The following PSMD14 variants were observed in gnomAD, a reference collection of about 807,000 sequenced individuals.
PSMD14 encodes proteasome 26S subunit, non-ATPase 14.
In PSMD14, 7 loss-of-function variants were observed where a neutral mutation model predicts 41.2. The observed-to-expected ratio is 0.17, with a 90% CI of 0.10 to 0.32. PSMD14 has a LOEUF of 0.32. Ranked by LOEUF, PSMD14 falls within the 10% of genes least tolerant of loss-of-function variation. The pLI, the probability that PSMD14 is intolerant of heterozygous loss-of-function variation, is 1.00. For missense variants in PSMD14, 139 were observed against 375.6 expected, an observed-to-expected ratio of 0.37 and a Z score of 5.21; for synonymous variants, 114 against 122.3, an observed-to-expected ratio of 0.93 and a Z score of 0.45.
intron 3 of PSMD14, among the ~76,000 whole-genome samples, chr2:161,321,109 G>A (rs1682577556): frequency 6.6e-6 from 1 of 152,146 alleles, no homozygotes; most frequent in Non-Finnish European, 1.5e-5. Context: ...GGCACCAATA[G>A]TAGTAAAAAA....
chr2:161,337,746 G>A (rs1447793939), intron 3 of PSMD14, among the ~76,000 whole-genome samples: 1 of 152,216 alleles, frequency 6.6e-6, no homozygotes, highest in African/African-American at 2.4e-5. Context: ...TACATTTGCA[G>A]TAATTGAGAT....
chr2:161,334,802 A>G (rs1682845121), intron 3 of PSMD14, among the ~76,000 whole-genome samples: 1 of 152,238 alleles, frequency 6.6e-6, no homozygotes, highest in Non-Finnish European at 1.5e-5. Flanking sequence ...AGCTCAAGTG[A>G]TTCTCCCTCC....
chr2:161,367,990 C>T (rs1391946013), intron 5 of PSMD14, 87 bp downstream of exon 5: 7 of 1,381,970 alleles, frequency 5.1e-6, no homozygotes, highest in Non-Finnish European at 4.8e-6. Context: ...CATCATATTA[C>T]ATTTTCTCTT....
At chr2:161,309,298 G>T (rs187938934) in intron 1 of PSMD14, among the ~76,000 whole-genome samples, 1 of 152,204 alleles carries the variant, frequency 6.6e-6, no homozygotes, top group East Asian at 1.9e-4. Context: ...AAAAGAAAAA[G>T]AATGTAAACT....
chr2:161,328,542 T>C (rs1029476765), intron 3 of PSMD14, among the ~76,000 whole-genome samples: 1 of 152,120 alleles, frequency 6.6e-6, no homozygotes, highest in Non-Finnish European at 1.5e-5. Context: ...ATCTGCACCA[T>C]TCAATACGGT....
At chr2:161,333,715 A>G (rs1682827605) in intron 3 of PSMD14, among the ~76,000 whole-genome samples, 1 of 152,200 alleles carries the variant, frequency 6.6e-6, no homozygotes, top group African/African-American at 2.4e-5. Context: ...TCCCAATGAG[A>G]GAAAGGTATC....
chr2:161,363,288 T>G (rs114103573), intron 3 of PSMD14, among the ~76,000 whole-genome samples: 1,904 of 152,250 alleles, frequency 0.013, 37 homozygotes, highest in African/African-American at 0.044. Flanking sequence ...ACCAAAGAGG[T>G]TGGGGACTGC....
intron 3 of PSMD14, among the ~76,000 whole-genome samples, chr2:161,327,878 TAA>T (rs141704526): frequency 6.9e-6 from 1 of 145,498 alleles, no homozygotes; most frequent in Non-Finnish European, 1.5e-5. Context: ...TTAGATTAGT[TAA>T]AAAACAAACA....
In PSMD14 at chr2:161,331,479, C is replaced by CGAACTCCT. The variant is rs1212506252; in HGVS notation, c.48+12609_48+12616dup. The stretch of plus-strand genomic sequence containing the variant: ...TTCACCATGCTGACCAGGCTGGTCT[C>CGAACTCCT]GAACTCCTGACCTGGTGATCTGCCT... On this transcript the variant is annotated intron_variant, in intron 3 of 11. Coordinates refer to ENST00000409682, the MANE Select transcript of PSMD14 (RefSeq NM_005805.6). 3.3e-5 allele frequency among the ~76,000 whole-genome samples: 5 copies of CGAACTCCT among 152,134 alleles called. No homozygotes were observed. In the South Asian group the frequency reaches 1.0e-3, roughly 32 times the overall value.
intron 3 of PSMD14, among the ~76,000 whole-genome samples, chr2:161,361,470 A>G (rs1053140761): frequency 6.9e-6 from 1 of 145,750 alleles, no homozygotes; most frequent in African/African-American, 2.5e-5. Flanking sequence ...TTTTTTTTTC[A>G]CATACATATT....
intron 3 of PSMD14, among the ~76,000 whole-genome samples, chr2:161,336,734 C>T (rs1389468887): frequency 1.3e-5 from 2 of 152,054 alleles, no homozygotes; most frequent in Non-Finnish European, 2.9e-5. Context: ...CGCCACCATG[C>T]CTGGCTAATT....
In PSMD14 at chr2:161,408,880, T is replaced by C. The variant is rs1459148799; in HGVS notation, c.815T>C (p.Ile272Thr). ...EDKMTPEQLA[I>T]KNVGKQDPKR... is the part of the protein sequence containing the mutation. Reference sequence around the variant, plus strand: ...AAGATGACACCTGAACAGCTGGCAATAAAGAATGTTGGCAAGCAGGTGAGG... The same window carrying C: ...AAGATGACACCTGAACAGCTGGCAACAAAGAATGTTGGCAAGCAGGTGAGG... The change falls in exon 11 of 12, where the codon ATA becomes ACA. Residue 272 changes from isoleucine (I) to threonine (T), a missense_variant. Ile to Thr is a moderately conservative substitution (Grantham distance 89). This residue lies in a region of PSMD14 where 80 missense variants were observed against 138.1 expected (regional missense o/e 0.58). Transcript: ENST00000409682. 1 of 1,606,368 alleles carries C rather than the reference T, an allele frequency of 6.2e-7. No individual in the cohort carries two copies. The highest frequency in any genetic ancestry group is 8.5e-7 in the Non-Finnish European group (1 of 1,174,346).
At chr2:161,327,763 A>G (rs993898041) in intron 3 of PSMD14, among the ~76,000 whole-genome samples, 5 of 152,200 alleles carry the variant, frequency 3.3e-5, no homozygotes, top group Admixed American at 2.6e-4. Context: ...AGACAAAAAG[A>G]TGACCTCATT....
chr2:161,395,245 A>G, intron 10 of PSMD14, 42 bp downstream of exon 10: 1 of 1,467,376 alleles, frequency 6.8e-7, no homozygotes, highest in Non-Finnish European at 9.3e-7. Flanking sequence ...AATCTTTGGA[A>G]TATGTATGAT....
intron 1 of PSMD14, among the ~76,000 whole-genome samples, chr2:161,314,754 T>C (rs1466796612): frequency 1.3e-5 from 2 of 152,244 alleles, no homozygotes; most frequent in Non-Finnish European, 2.9e-5. Context: ...CAGTATTTCA[T>C]ATTACAATAT....
At chr2:161,353,214 CATCTT>C (rs1683144996) in intron 3 of PSMD14, among the ~76,000 whole-genome samples, 1 of 152,112 alleles carries the variant, frequency 6.6e-6, no homozygotes, top group South Asian at 2.1e-4. Flanking sequence ...AAAAATATGT[CATCTT>C]ATCCTTCAAA....
At chr2:161,318,248 A>C (rs981161163) in intron 2 of PSMD14, among the ~76,000 whole-genome samples, 2 of 152,186 alleles carry the variant, frequency 1.3e-5, no homozygotes, top group African/African-American at 4.8e-5. Context: ...TGTTTATGCT[A>C]TAGTATTTCT....
intron 7 of PSMD14, among the ~76,000 whole-genome samples, chr2:161,378,098 G>T (rs1017599054): frequency 2.8e-4 from 43 of 151,948 alleles, no homozygotes; most frequent in Middle Eastern, 3.4e-3. Flanking sequence ...AGTTTTGTCA[G>T]GTTTAATGTC....
chr2:161,310,345 A>G (rs999605420), intron 1 of PSMD14, among the ~76,000 whole-genome samples: 2 of 152,244 alleles, frequency 1.3e-5, no homozygotes, highest in Non-Finnish European at 2.9e-5. Flanking sequence ...TTATTTCAGT[A>G]ACAAGAAGCA....
Sources: gnomAD v4.1 joint callset for allele counts (sites outside exome capture counted in the v4.1 genomes callset) on GRCh38, gnomAD v4.1.1 for gene constraint, gnomAD v4.1.1 regional missense constraint, MANE v1.5 for transcripts, NCBI Gene and HGNC (gene_info 2026-07-23, HGNC 2026-07-21) for gene names.